Variants in PPP2R2B observed in about 807,000 individuals in gnomAD.
The protein encoded by PPP2R2B is protein phosphatase 2 regulatory subunit Bbeta, also known as serine/threonine-protein phosphatase 2A 55 kDa regulatory subunit B beta isoform.
PPP2R2B carries 5 observed loss-of-function variants against 46.0 expected under a neutral mutation model. The observed-to-expected ratio is 0.11, with a 90% CI of 0.06 to 0.23. The LOEUF (loss-of-function observed/expected upper bound fraction) is 0.23. PPP2R2B is among the 10% of genes least tolerant of loss of function. The pLI is 1.00. For missense variants in PPP2R2B, 367 were observed against 575.0 expected (o/e 0.64, Z 3.70); for synonymous variants, 215 against 206.7 (o/e 1.04, Z -0.34).
intron 7 of PPP2R2B, among the ~76,000 whole-genome samples, chr5:146,627,464 G>C (rs186909809): frequency 1.9e-4 from 29 of 152,314 alleles, no homozygotes; most frequent in East Asian, 1.4e-3. Flanking sequence ...TGAAGAATGA[G>C]AGTGGATTTT....
At chr5:146,871,138 T>C (rs542468589) in intron 2 of PPP2R2B, among the ~76,000 whole-genome samples, 18 of 152,336 alleles carry the variant, frequency 1.2e-4, no homozygotes, top group African/African-American at 4.3e-4. Flanking sequence ...GTGGTAAAGA[T>C]GACAAGTTGG....
chr5:146,775,872 T>C (rs1755150615), intron 2 of PPP2R2B, among the ~76,000 whole-genome samples: 1 of 152,110 alleles, frequency 6.6e-6, no homozygotes, highest in Non-Finnish European at 1.5e-5. Context: ...AAAAACGCTG[T>C]TTACAATAGC....
At chr5:147,023,534 A>G (rs1755385881) in intron 1 of PPP2R2B, among the ~76,000 whole-genome samples, 1 of 152,250 alleles carries the variant, frequency 6.6e-6, no homozygotes, top group Non-Finnish European at 1.5e-5. Flanking sequence ...AAAGGACAGA[A>G]AAAGACCTAT....
rs902306455 is a variant in PPP2R2B, at chr5:146,777,231, T to C, written c.71-76089A>G. Among the ~76,000 whole-genome samples the C allele has an allele frequency of 2.6e-5, 4 of 152,070 alleles. No homozygotes were observed. The South Asian group carries it at 6.2e-4, about 24-fold the overall frequency. ...AAAGGTAGAAACACCTAAGTGCTCA[T>C]CAACAGAAGAACGAATAAATAAAAT... On this transcript the variant is annotated intron_variant, in intron 2 of 9. Transcript: ENST00000394411.
At chr5:146,859,499 A>G (rs2151391086) in intron 2 of PPP2R2B, among the ~76,000 whole-genome samples, 1 of 152,352 alleles carries the variant, frequency 6.6e-6, no homozygotes, top group Non-Finnish European at 1.5e-5. Context: ...GTTAAGAGGG[A>G]GTAAGATATT....
rs146116498 is a variant in PPP2R2B, at chr5:147,078,227, G to T, written c.50+2832C>A. Among the ~76,000 whole-genome samples, 891 of 152,188 alleles carry T rather than the reference G, an allele frequency of 5.9e-3. 7 individuals are homozygous for T. Among genetic ancestry groups the T allele is most frequent in the African/African-American group, 0.021 (855 of 41,518 alleles). On this transcript the variant is annotated intron_variant, in intron 2 of 10. Coordinates refer to the PPP2R2B transcript ENST00000394413. ...TTTATATTAATAGCTTACAAATATCGAGTACTTACAAAGTATTGAGCACTG... is the reference window on the plus strand; with the variant it reads ...TTTATATTAATAGCTTACAAATATCTAGTACTTACAAAGTATTGAGCACTG...
chr5:146,662,461 C>G (rs1776728455), intron 5 of PPP2R2B, among the ~76,000 whole-genome samples: 1 of 152,068 alleles, frequency 6.6e-6, no homozygotes, highest in Non-Finnish European at 1.5e-5. Flanking sequence ...CAAATAAGAC[C>G]TCTTGTTAAA....
At chr5:146,981,322 T>C (rs1394640351) in intron 1 of PPP2R2B, among the ~76,000 whole-genome samples, 1 of 152,170 alleles carries the variant, frequency 6.6e-6, no homozygotes, top group Non-Finnish European at 1.5e-5. Context: ...TAGAAGTTTC[T>C]ATTTTGTTTT....
intron 1 of PPP2R2B, among the ~76,000 whole-genome samples, chr5:146,981,547 T>C (rs1753179478): frequency 6.6e-6 from 1 of 152,174 alleles, no homozygotes; most frequent in African/African-American, 2.4e-5. Flanking sequence ...GAGATAATTG[T>C]GGGTTCATAA....
chr5:146,694,025 C>T (rs1042353873), intron 4 of PPP2R2B, among the ~76,000 whole-genome samples: 4 of 152,174 alleles, frequency 2.6e-5, no homozygotes, highest in Non-Finnish European at 5.9e-5. Context: ...CTTCTCATGC[C>T]TTTGGGCGGA....
At chr5:146,701,671 C>T (rs771699147) in intron 2 of PPP2R2B, among the ~76,000 whole-genome samples, 8 of 152,208 alleles carry the variant, frequency 5.3e-5, no homozygotes, top group Admixed American at 3.3e-4. Context: ...AAGGAACTGA[C>T]GAATGCTCCA....
At chr5:146,857,252 G>A (rs1298945289) in intron 2 of PPP2R2B, among the ~76,000 whole-genome samples, 1 of 152,066 alleles carries the variant, frequency 6.6e-6, no homozygotes, top group Non-Finnish European at 1.5e-5. Context: ...CTCTGCAAGC[G>A]TTCAGAAGTA....
chr5:146,886,208 G>A (rs1052066944), intron 1 of PPP2R2B, among the ~76,000 whole-genome samples: 2 of 151,880 alleles, frequency 1.3e-5, no homozygotes, highest in Non-Finnish European at 2.9e-5. Context: ...GCGTGGTGGC[G>A]GGCCCCTGTA....
At chr5:146,947,979 T>G (rs1260829968) in intron 1 of PPP2R2B, among the ~76,000 whole-genome samples, 1 of 151,848 alleles carries the variant, frequency 6.6e-6, no homozygotes. Context: ...AGCAAAGGCA[T>G]GCACTCATGA....
chr5:146,821,763 G>A (rs1260236783), intron 2 of PPP2R2B, among the ~76,000 whole-genome samples: 1 of 149,730 alleles, frequency 6.7e-6, no homozygotes, highest in Non-Finnish European at 1.5e-5. Context: ...GACCTCATGT[G>A]CCTAGTACTC....
chr5:146,781,694 CCCA>C (rs1755541144), intron 2 of PPP2R2B, among the ~76,000 whole-genome samples: 1 of 151,880 alleles, frequency 6.6e-6, no homozygotes, highest in Admixed American at 6.6e-5. Flanking sequence ...TTTCCTGTAG[CCCA>C]CCACCACATT....
intron 2 of PPP2R2B, among the ~76,000 whole-genome samples, chr5:146,864,043 A>G (rs927377170): frequency 2.0e-5 from 3 of 152,222 alleles, no homozygotes; most frequent in South Asian, 2.1e-4. Context: ...ATCTAGAAAC[A>G]TAATTGTTCA....
rs547340349 is a variant in PPP2R2B at position 147,055,772 on chromosome 5, A to T, written c.-29T>A. 7 of 1,581,066 alleles carry T rather than the reference A, an allele frequency of 4.4e-6. No individual in the cohort carries two copies. In the South Asian group the frequency reaches 6.9e-5, roughly 16 times the overall value. On this transcript the variant is annotated 5_prime_UTR_variant, in exon 1 of 9. Coordinates refer to the PPP2R2B transcript ENST00000336640. ...CCAAATAAAAAATAAAAATCTAAAT[A>T]AAAAAACAGTCTCCTGAATCCATAA...
chr5:147,019,804 T>C (rs1482938890), intron 1 of PPP2R2B, among the ~76,000 whole-genome samples: 2 of 152,150 alleles, frequency 1.3e-5, no homozygotes, highest in Admixed American at 6.5e-5. Flanking sequence ...AAAGATGATT[T>C]AAAATATTTC....
Sources: gnomAD v4.1 joint callset for allele counts (sites outside exome capture counted in the v4.1 genomes callset) on GRCh38, gnomAD v4.1.1 for gene constraint, MANE v1.5 for transcripts, NCBI Gene and HGNC (gene_info 2026-07-23, HGNC 2026-07-21) for gene names.